MEF2C: variants seen among roughly 807,000 people sequenced by gnomAD.
MEF2C encodes myocyte enhancer factor 2C.
Under a neutral mutation model 50.5 loss-of-function variants are expected in MEF2C, and 6 were observed. That is an observed-to-expected ratio of 0.12 (90% CI 0.07 to 0.23). The LOEUF (loss-of-function observed/expected upper bound fraction) is 0.23. Ranked by LOEUF, MEF2C falls within the 10% of genes least tolerant of loss-of-function variation. The pLI is 1.00. For synonymous variants in MEF2C, 183 were observed against 228.0 expected, an observed-to-expected ratio of 0.80 and a Z score of 1.78; for missense variants, 276 against 605.0, an observed-to-expected ratio of 0.46 and a Z score of 5.70.
chr5:88,857,565 G>A (rs1275775816), intron 1 of MEF2C, among the ~76,000 whole-genome samples: 1 of 152,144 alleles, frequency 6.6e-6, no homozygotes, highest in Non-Finnish European at 1.5e-5. Context: ...TCGAATTATA[G>A]GTCCCATAAT....
At position 88,862,319 on chromosome 5, in the gene MEF2C, C is replaced by T. The variant is rs571807303; in HGVS notation, c.-143+20636G>A. ...GACTTCTGTCATACACACAAACACA[C>T]ACACACACAGAGATACATGTGTATG... On this transcript the variant is annotated intron_variant, in intron 1 of 10. Coordinates refer to ENST00000504921, the MANE Select transcript of MEF2C (RefSeq NM_002397.5). 3.3e-5 allele frequency among the ~76,000 whole-genome samples: 5 copies of T among 152,310 alleles called. 1 individual carries two copies. The highest frequency in any genetic ancestry group is 3.3e-4 in the Admixed American group (5 of 15,304).
At chr5:88,775,770 T>A (rs1224192435) in intron 3 of MEF2C, 8 of 971,430 alleles carry the variant, frequency 8.2e-6, no homozygotes, top group Non-Finnish European at 9.8e-6. Context: ...TCACCTTGGA[T>A]TTCACATGAT....
chr5:88,794,809 A>G (rs1795307545), intron 3 of MEF2C, among the ~76,000 whole-genome samples: 1 of 151,832 alleles, frequency 6.6e-6, no homozygotes, highest in Non-Finnish European at 1.5e-5. Context: ...ATCTACAGTT[A>G]TTTTTTTGTA....
chr5:88,734,751 A>G (rs1003613656), intron 6 of MEF2C: 1 of 983,124 alleles, frequency 1.0e-6, no homozygotes, highest in African/African-American at 1.8e-5. Flanking sequence ...AACTAAAAAA[A>G]TTGATTTTAA....
Position 88,827,172 on chromosome 5 carries a change from T to C in MEF2C, c.-142-3242A>G, listed in dbSNP as rs970424089. ...CAGATGCTAAAGATCATTCTCCCAC[T>C]GGGCTATCTCATTTACAAACAAGTT... is the stretch of plus-strand genomic sequence containing the variant. On this transcript the variant is annotated intron_variant, in intron 1 of 10. Transcript: ENST00000504921. The C allele has an allele frequency of 4.6e-5, 7 of 152,074 alleles. No homozygotes were observed. In the East Asian group the frequency reaches 1.4e-3, roughly 30 times the overall value. The allele number at this position is 152,074 out of a possible 1,614,324, so 9.4% of individuals were successfully genotyped here. A position where few individuals can be genotyped will look rare whatever the true frequency, so the allele number is the denominator to read the frequency against.
At chr5:88,832,754 C>G (rs577063853) in intron 1 of MEF2C, among the ~76,000 whole-genome samples, 20 of 152,158 alleles carry the variant, frequency 1.3e-4, no homozygotes, top group Non-Finnish European at 2.8e-4. Context: ...TGACTGGTGT[C>G]TGACACAGGT....
chr5:88,746,794 G>C, intron 6 of MEF2C: 1 of 611,450 alleles, frequency 1.6e-6, no homozygotes, highest in Non-Finnish European at 2.0e-6. Context: ...CTAAGCTTGA[G>C]ACTAAGTGGC....
At chr5:88,795,750 C>A (rs1278835293) in intron 3 of MEF2C, among the ~76,000 whole-genome samples, 1 of 152,184 alleles carries the variant, frequency 6.6e-6, no homozygotes, top group Non-Finnish European at 1.5e-5. Context: ...AGCTTTTGCC[C>A]ACTCAGTATG....
chr5:88,730,173 T>C (rs767895120), intron 8 of MEF2C, 38 bp downstream of exon 8: 25 of 1,568,504 alleles, frequency 1.6e-5, no homozygotes, highest in Non-Finnish European at 2.1e-5. Flanking sequence ...AAAGTAGCTT[T>C]GCACATGCCA....
intron 1 of MEF2C, among the ~76,000 whole-genome samples, chr5:88,891,192 C>A (rs1425509908): frequency 6.6e-6 from 1 of 152,132 alleles, no homozygotes; most frequent in African/African-American, 2.4e-5. Context: ...GTGCTTCATT[C>A]TACTTTAAAA....
intron 2 of MEF2C, among the ~76,000 whole-genome samples, chr5:88,815,675 C>A (rs917795275): frequency 2.0e-5 from 3 of 152,034 alleles, no homozygotes; most frequent in Non-Finnish European, 2.9e-5. Flanking sequence ...CTACCTTCAA[C>A]AAGAATACAT....
chr5:88,844,910 G>T (rs1818759006), intron 1 of MEF2C, among the ~76,000 whole-genome samples: 1 of 152,132 alleles, frequency 6.6e-6, no homozygotes. Context: ...TAGAGGAATT[G>T]GTGAGAAATG....
chr5:88,783,350 C>A (rs149307998), intron 3 of MEF2C, among the ~76,000 whole-genome samples: 1 of 152,124 alleles, frequency 6.6e-6, no homozygotes, highest in Admixed American at 6.6e-5. Flanking sequence ...GAGAGTTGGC[C>A]GGGTGCAGTG....
intron 1 of MEF2C, among the ~76,000 whole-genome samples, chr5:88,867,379 G>A (rs1470170554): frequency 6.6e-6 from 1 of 152,124 alleles, no homozygotes; most frequent in Non-Finnish European, 1.5e-5. Flanking sequence ...ACTATCTGGG[G>A]TTGAGATTCT....
At chr5:88,870,508 A>C (rs1345441883) in intron 1 of MEF2C, among the ~76,000 whole-genome samples, 1 of 152,114 alleles carries the variant, frequency 6.6e-6, no homozygotes, top group Non-Finnish European at 1.5e-5. Context: ...GGAAAAACGC[A>C]CATGGATACC....
chr5:88,748,104 G>C (rs989933089), intron 6 of MEF2C: 10 of 984,746 alleles, frequency 1.0e-5, no homozygotes, highest in Non-Finnish European at 9.6e-6. Context: ...GCCAGCATCA[G>C]AACAGAGAAA....
intron 2 of MEF2C, among the ~76,000 whole-genome samples, chr5:88,819,689 T>G (rs1241237089): frequency 1.3e-5 from 2 of 152,038 alleles, no homozygotes; most frequent in African/African-American, 4.8e-5. Flanking sequence ...TATTTTTATA[T>G]TTCATGTCTG....
intron 3 of MEF2C, among the ~76,000 whole-genome samples, chr5:88,764,932 G>A (rs961040177): frequency 6.6e-6 from 1 of 151,814 alleles, no homozygotes; most frequent in Non-Finnish European, 1.5e-5. Context: ...TCAAGAGTTG[G>A]AATGCATATT....
At chr5:88,775,896 G>C in intron 3 of MEF2C, 3 of 765,470 alleles carry the variant, frequency 3.9e-6, no homozygotes, top group Non-Finnish European at 4.8e-6. Context: ...CCATTGACTA[G>C]GCCCTCAGTA....
Sources: allele counts gnomAD v4.1 joint callset (sites outside exome capture counted in the v4.1 genomes callset), GRCh38; gene constraint gnomAD v4.1.1; transcripts MANE v1.5; gene names NCBI Gene and HGNC (gene_info 2026-07-23, HGNC 2026-07-21).